DSCAM: variants seen among roughly 807,000 people sequenced by gnomAD.
DSCAM encodes the protein DS cell adhesion molecule, also known as cell adhesion molecule DSCAM.
Under a neutral mutation model 217.7 loss-of-function variants are expected in DSCAM, and 47 were observed. That is an observed-to-expected ratio of 0.22 (90% confidence interval 0.17 to 0.28). The LOEUF is 0.28. DSCAM is among the 10% of genes least tolerant of loss of function. The pLI is 1.00. For missense variants in DSCAM, 2,080 were observed against 2,618.3 expected, an observed-to-expected ratio of 0.79 and a Z score of 4.49; for synonymous variants, 1,056 against 1,015.3, an observed-to-expected ratio of 1.04 and a Z score of -0.76.
intron 11 of DSCAM, among the ~76,000 whole-genome samples, chr21:40,265,146 C>T (rs1004838397): frequency 2.6e-5 from 4 of 151,458 alleles, no homozygotes; most frequent in Admixed American, 1.3e-4. Context: ...GAGCCGAAAT[C>T]GTACCACTTC....
At chr21:40,766,975 C>T (rs1376970717) in intron 1 of DSCAM, among the ~76,000 whole-genome samples, 1 of 152,044 alleles carries the variant, frequency 6.6e-6, no homozygotes, top group East Asian at 1.9e-4. Context: ...CATGAGCCAC[C>T]GTGTCCAGCC....
chr21:40,761,096 T>A (rs1163069318), intron 1 of DSCAM, among the ~76,000 whole-genome samples: 1 of 152,238 alleles, frequency 6.6e-6, no homozygotes, highest in African/African-American at 2.4e-5. Flanking sequence ...CAGTCTGGTA[T>A]CTGAACTCAG....
At chr21:40,282,533 G>A (rs1291888613) in intron 10 of DSCAM, among the ~76,000 whole-genome samples, 2 of 137,586 alleles carry the variant, frequency 1.5e-5, no homozygotes, top group African/African-American at 2.7e-5. Context: ...AGAGCTTGCA[G>A]TGAGCCAAGA....
At chr21:40,705,617 G>C (rs2090706012) in intron 2 of DSCAM, among the ~76,000 whole-genome samples, 1 of 152,166 alleles carries the variant, frequency 6.6e-6, no homozygotes, top group East Asian at 1.9e-4. Context: ...AGTGCCAGAT[G>C]CTTATAAAAC....
At chr21:40,134,080 C>G in intron 18 of DSCAM, 71 bp from the exon 19 acceptor site, 1 of 1,535,452 alleles carries the variant, frequency 6.5e-7, no homozygotes, top group Non-Finnish European at 8.8e-7. Context: ...CGCACTGTCC[C>G]CACTGACTGT....
chr21:40,120,758 C>T (rs1401273475), intron 20 of DSCAM, among the ~76,000 whole-genome samples: 1 of 152,156 alleles, frequency 6.6e-6, no homozygotes, highest in Non-Finnish European at 1.5e-5. Context: ...TTTGTAGATT[C>T]ATTCTCAGTT....
intron 11 of DSCAM, among the ~76,000 whole-genome samples, chr21:40,202,242 A>T (rs966030542): frequency 6.6e-6 from 1 of 152,222 alleles, no homozygotes; most frequent in Non-Finnish European, 1.5e-5. Flanking sequence ...ATTTCCCAGA[A>T]GGCAAGCAGT....
intron 20 of DSCAM, among the ~76,000 whole-genome samples, chr21:40,119,716 A>C (rs1342511788): frequency 6.6e-6 from 1 of 151,868 alleles, no homozygotes; most frequent in Non-Finnish European, 1.5e-5. Flanking sequence ...GCAAATTGCT[A>C]TCTAGTAGCG....
chr21:40,607,074 T>C (rs961907253), intron 3 of DSCAM, among the ~76,000 whole-genome samples: 3 of 151,848 alleles, frequency 2.0e-5, no homozygotes, highest in Admixed American at 1.3e-4. Context: ...GTCTTGGGTA[T>C]GTCTTTATTA....
At chr21:40,466,719 A>G (rs2837639) in intron 3 of DSCAM, among the ~76,000 whole-genome samples, 11,136 of 151,918 alleles carry the variant, frequency 0.073, 795 homozygotes, top group African/African-American at 0.18. Flanking sequence ...TTTTCCTCCA[A>G]TTTAAATGCC....
At chr21:40,520,259 G>A (rs1355289706) in intron 3 of DSCAM, among the ~76,000 whole-genome samples, 2 of 152,004 alleles carry the variant, frequency 1.3e-5, no homozygotes, top group Non-Finnish European at 2.9e-5. Flanking sequence ...AGGCACACAG[G>A]TCAGTAGTTA....
rs1008462564 is a variant in DSCAM at position 40,317,520 on chromosome 21, T to G, written c.1784-5161A>C. 4.6e-5 allele frequency among the ~76,000 whole-genome samples: 7 copies of G among 152,230 alleles called. No individual in the cohort carries two copies. In the East Asian group the frequency reaches 7.7e-4, roughly 17 times the overall value. ...GGGATAAATAGTGTCCTGTTCTTTT[T>G]TTTTCTTTTCTTTCTTTTTCTTTTT... On this transcript the variant is annotated intron_variant, in intron 8 of 32. Transcript: ENST00000400454.
At chr21:40,603,713 G>A (rs1190838279) in intron 3 of DSCAM, among the ~76,000 whole-genome samples, 1 of 151,796 alleles carries the variant, frequency 6.6e-6, no homozygotes, top group East Asian at 1.9e-4. Context: ...TGGGTTTTTT[G>A]TTGCTGTTGT....
At chr21:40,590,305 A>G (rs1281806681) in intron 3 of DSCAM, among the ~76,000 whole-genome samples, 1 of 152,254 alleles carries the variant, frequency 6.6e-6, no homozygotes, top group African/African-American at 2.4e-5. Flanking sequence ...TTAGTGCTCT[A>G]TCATTAGGTC....
intron 3 of DSCAM, among the ~76,000 whole-genome samples, chr21:40,467,644 G>A (rs2145961049): frequency 6.6e-6 from 1 of 152,120 alleles, no homozygotes; most frequent in South Asian, 2.1e-4. Context: ...GTCTTTGAGG[G>A]TAATTTGTTA....
At chr21:40,690,639 T>A (rs1360333325) in intron 3 of DSCAM, among the ~76,000 whole-genome samples, 1 of 152,212 alleles carries the variant, frequency 6.6e-6, no homozygotes, top group Admixed American at 6.5e-5. Flanking sequence ...AAATTCTATA[T>A]TGCATGCCAG....
chr21:40,576,564 T>C (rs762928765), intron 3 of DSCAM, among the ~76,000 whole-genome samples: 22 of 152,150 alleles, frequency 1.4e-4, no homozygotes, highest in Non-Finnish European at 2.9e-5. Flanking sequence ...TAAATTATAA[T>C]TCAAAAAATC....
chr21:40,521,314 T>A (rs1410871638), intron 3 of DSCAM, among the ~76,000 whole-genome samples: 1 of 152,168 alleles, frequency 6.6e-6, no homozygotes, highest in Non-Finnish European at 1.5e-5. Context: ...CCACTTTTAG[T>A]TTTTTGAGAA....
chr21:40,757,280 C>T (rs978151704), intron 1 of DSCAM, among the ~76,000 whole-genome samples: 2 of 152,182 alleles, frequency 1.3e-5, no homozygotes, highest in South Asian at 2.1e-4. Flanking sequence ...CCGTCTCGGC[C>T]TCCCAAAGTG....
Sources: allele counts gnomAD v4.1 joint callset (sites outside exome capture counted in the v4.1 genomes callset), GRCh38; gene constraint gnomAD v4.1.1; transcripts MANE v1.5; gene names NCBI Gene and HGNC (gene_info 2026-07-23, HGNC 2026-07-21).